Variants in BARD1 observed in about 807,000 individuals in gnomAD.
BARD1 encodes BRCA1-associated RING domain protein 1.
A neutral mutation model predicts 77.0 loss-of-function variants in BARD1; 73 were observed. The ratio of observed to expected loss-of-function variants is 0.95; its 90% confidence interval spans 0.79 to 1.15. The LOEUF (loss-of-function observed/expected upper bound fraction) is 1.15, where lower values mean the gene tolerates loss of function less well. BARD1 is among the 50% of genes most tolerant of loss of function. The probability of loss-of-function intolerance (pLI) is 0.00; values close to 1 mark genes in which losing one functional copy is unlikely to be tolerated. For synonymous variants in BARD1, 384 were observed against 338.0 expected (o/e 1.14, Z -1.49); for missense variants, 993 against 938.8 (o/e 1.06, Z -0.75).
chr2:214,735,598 T>C (rs1415298639), intron 9 of BARD1, among the ~76,000 whole-genome samples: 2 of 152,146 alleles, frequency 1.3e-5, no homozygotes, highest in East Asian at 3.9e-4. Flanking sequence ...TAAAGCTGAA[T>C]GCAGCCATTA....
chr2:214,735,363 T>C (rs550448994), intron 9 of BARD1, among the ~76,000 whole-genome samples: 31 of 152,274 alleles, frequency 2.0e-4, no homozygotes, highest in African/African-American at 7.0e-4. Flanking sequence ...AGGTAAAGTA[T>C]CACCTTGTTT....
In BARD1 at chr2:214,780,929, T is replaced by C. The variant is rs876660284; in HGVS notation, c.945A>G (p.Pro315=). The C allele has an allele frequency of 1.2e-6, 2 of 1,613,996 alleles. No homozygotes were observed. The highest frequency in any genetic ancestry group is 1.7e-6 in the Non-Finnish European group (2 of 1,179,944). ...KNYLTSKKSL[P]LENNGKRGHH... is the part of the protein sequence containing the mutation. The stretch of plus-strand genomic sequence containing the variant: ...GGCCACGTTTTCCATTATTTTCTAA[T>C]GGCAAAGATTTCTTAGATGTAAGAT... The change falls in exon 4 of 11, where the codon CCA becomes CCG. Residue 315 remains proline, a synonymous_variant. Transcript: ENST00000260947.
rs2106039024 is a variant in BARD1, at chr2:214,752,525, A to G, written c.1599T>C (p.Tyr533=). The stretch of plus-strand genomic sequence containing the variant: ...GCGATTTCATACTTTCATCATCTGT[A>G]TAATCGACAGGCCGCAGACCAAATA... ...VNIFGLRPVD[Y]TDDESMKSLL... is the part of the protein sequence containing the mutation. Residue 533 remains tyrosine, a synonymous_variant, in exon 7 of 11, where the codon TAT becomes TAC. Transcript: ENST00000260947. 1 of 1,613,788 alleles carries G rather than the reference A, an allele frequency of 6.2e-7. No individual in the cohort carries two copies. Among genetic ancestry groups the G allele is most frequent in the Non-Finnish European group, 8.5e-7 (1 of 1,179,784 alleles).
chr2:214,794,587 T>TCTC (rs56306164), intron 2 of BARD1, among the ~76,000 whole-genome samples: 1 of 146,710 alleles, frequency 6.8e-6, no homozygotes, highest in African/African-American at 2.5e-5. Context: ...TTAAATTAAT[T>TCTC]TTTTTAAAAA....
chr2:214,745,053 A>C lies in BARD1; in HGVS notation c.1903+14T>G. ...TCTAATTCATTTCTTAATTCTCTCAAATCCAACACTTACATTCAAATTTTA... is the reference window on the plus strand; with the variant it reads ...TCTAATTCATTTCTTAATTCTCTCACATCCAACACTTACATTCAAATTTTA... On this transcript the variant is annotated intron_variant, in intron 9 of 10. Transcript: ENST00000260947. 6.2e-7 allele frequency: 1 copy of C among 1,607,454 alleles called. No individual in the cohort carries two copies. Among genetic ancestry groups the C allele is most frequent in the South Asian group, 1.1e-5 (1 of 90,868 alleles).
At chr2:214,740,789 C>G (rs1370148882) in intron 9 of BARD1, among the ~76,000 whole-genome samples, 1 of 151,966 alleles carries the variant, frequency 6.6e-6, no homozygotes, top group African/African-American at 2.4e-5. Flanking sequence ...GGTAAATTCT[C>G]AGAACTGGGA....
chr2:214,736,738 C>G (rs1441689656), intron 9 of BARD1, among the ~76,000 whole-genome samples: 10 of 152,100 alleles, frequency 6.6e-5, no homozygotes. Flanking sequence ...CAGATACCAA[C>G]AGAGCAGCAT....
intron 4 of BARD1, among the ~76,000 whole-genome samples, chr2:214,772,593 C>T (rs553343871): frequency 6.6e-5 from 10 of 152,156 alleles, no homozygotes; most frequent in Non-Finnish European, 1.3e-4. Flanking sequence ...TAGACAGTTG[C>T]TATTTTTCTT....
Position 214,760,223 on chromosome 2 carries a change from C to T in BARD1, c.1568+7259G>A, listed in dbSNP as rs758740169. Among the ~76,000 whole-genome samples, 4 of 152,298 alleles carry T rather than the reference C, an allele frequency of 2.6e-5. No homozygotes were observed. In the East Asian group the frequency reaches 7.7e-4, roughly 29 times the overall value. ...ATTATTATTATTTGAGACCGAGTCT[C>T]GCTCTGTCCCCCAGGTTGGAGGGTG... On this transcript the variant is annotated intron_variant, in intron 6 of 10. Coordinates refer to ENST00000260947, the MANE Select transcript of BARD1 (RefSeq NM_000465.4).
Position 214,728,071 on chromosome 2 carries a change from A to G in BARD1, c.*605T>C, listed in dbSNP as rs1692157711. On this transcript the variant is annotated 3_prime_UTR_variant, in exon 11 of 11. Coordinates refer to ENST00000260947, the MANE Select transcript of BARD1 (RefSeq NM_000465.4). ...CAAAAAAACCAATGTTAATGATTAA[A>G]TCACAATTTCCTGATGATATACAAG... 4.4e-6 allele frequency: 1 copy of G among 227,318 alleles called. No homozygotes were observed. 14.1% of individuals were successfully genotyped at this position (227,318 alleles called of 1,614,324 possible).
intron 3 of BARD1, among the ~76,000 whole-genome samples, chr2:214,784,306 C>T (rs141987601): frequency 0.046 from 6,952 of 152,128 alleles, 275 homozygotes; most frequent in African/African-American, 0.098. Flanking sequence ...TAGACAAATG[C>T]AAATCAAAAC....
chr2:214,736,456 T>C (rs1281006310), intron 9 of BARD1, among the ~76,000 whole-genome samples: 1 of 152,146 alleles, frequency 6.6e-6, no homozygotes, highest in Non-Finnish European at 1.5e-5. Flanking sequence ...TATCTTTAAC[T>C]GCATATGGTG....
At chr2:214,797,502 T>C (rs1317274890) in intron 1 of BARD1, among the ~76,000 whole-genome samples, 2 of 152,304 alleles carry the variant, frequency 1.3e-5, no homozygotes, top group African/African-American at 2.4e-5. Context: ...TACCTCAAAA[T>C]GTGTCCCACA....
rs75972433 is a variant in BARD1, at chr2:214,793,036, T to C, written c.216-591A>G. 5.1e-3 allele frequency among the ~76,000 whole-genome samples: 781 copies of C among 152,260 alleles called. 5 individuals are homozygous for C. Among genetic ancestry groups the C allele is most frequent in the Middle Eastern group, 0.014 (4 of 294 alleles). On this transcript the variant is annotated intron_variant, in intron 2 of 10. Transcript: ENST00000260947. ...TCTGATGAAAATCTATACATACTCA[T>C]GTAAAAAGAGGGATTCACGATCCCC...
At chr2:214,755,056 A>G (rs1343130633) in intron 6 of BARD1, among the ~76,000 whole-genome samples, 1 of 152,216 alleles carries the variant, frequency 6.6e-6, no homozygotes, top group Non-Finnish European at 1.5e-5. Context: ...TTAACAGACT[A>G]ACACTTTAGT....
chr2:214,734,910 G>A (rs889170218), intron 9 of BARD1, among the ~76,000 whole-genome samples: 4 of 152,122 alleles, frequency 2.6e-5, no homozygotes, highest in Admixed American at 2.6e-4. Context: ...ATTATCTACA[G>A]TAGTTATGTT....
intron 6 of BARD1, among the ~76,000 whole-genome samples, chr2:214,762,351 C>A (rs1694003664): frequency 6.6e-6 from 1 of 152,084 alleles, no homozygotes; most frequent in Non-Finnish European, 1.5e-5. Flanking sequence ...CTTCTGATCC[C>A]AAGCATTTTG....
At chr2:214,740,166 A>C (rs1027931617) in intron 9 of BARD1, among the ~76,000 whole-genome samples, 1 of 152,178 alleles carries the variant, frequency 6.6e-6, no homozygotes, top group African/African-American at 2.4e-5. Flanking sequence ...CATATATTAA[A>C]AGTTCAAATT....
intron 7 of BARD1, among the ~76,000 whole-genome samples, chr2:214,749,210 G>C (rs1693285079): frequency 6.6e-6 from 1 of 151,782 alleles, no homozygotes; most frequent in African/African-American, 2.4e-5. Context: ...TAAACAAGTG[G>C]TGCTGCACAC....
Sources: gnomAD v4.1 joint callset for allele counts (sites outside exome capture counted in the v4.1 genomes callset) on GRCh38, gnomAD v4.1.1 for gene constraint, MANE v1.5 for transcripts, NCBI Gene and HGNC (gene_info 2026-07-23, HGNC 2026-07-21) for gene names.